The following ADAMTS20 variants were observed in gnomAD, a reference collection of about 807,000 sequenced individuals.
ADAMTS20 encodes the protein ADAM metallopeptidase with thrombospondin type 1 motif 20, also known as A disintegrin and metalloproteinase with thrombospondin motifs 20.
Under a neutral mutation model 260.1 loss-of-function variants are expected in ADAMTS20, and 225 were observed. The ratio of observed to expected loss-of-function variants is 0.87; its 90% CI spans 0.78 to 0.97. ADAMTS20 has a LOEUF of 0.97. Ranked by LOEUF, ADAMTS20 falls within the 50% of genes least tolerant of loss-of-function variation. The pLI is 0.00. For missense variants in ADAMTS20, 2,400 were observed against 2,337.7 expected, an observed-to-expected ratio of 1.03 and a Z score of -0.55; for synonymous variants, 802 against 769.5, an observed-to-expected ratio of 1.04 and a Z score of -0.70.
chr12:43,423,529 A>G, intron 28 of ADAMTS20: 3 of 582,490 alleles, frequency 5.2e-6, no homozygotes, highest in East Asian at 5.6e-5. Flanking sequence ...ATTAGCAGTT[A>G]GGATTCTGCT....
At chr12:43,467,104 T>C (rs1942168693) in intron 8 of ADAMTS20, among the ~76,000 whole-genome samples, 1 of 152,002 alleles carries the variant, frequency 6.6e-6, no homozygotes, top group Admixed American at 6.6e-5. Context: ...TCAACATGGA[T>C]ATCCCATGTT....
chr12:43,433,899 T>C, intron 19 of ADAMTS20: 1 of 370,586 alleles, frequency 2.7e-6, no homozygotes, highest in South Asian at 2.1e-5. Flanking sequence ...GTTCATTAAT[T>C]CCGTGGAAAG....
intron 3 of ADAMTS20, among the ~76,000 whole-genome samples, chr12:43,529,939 G>A (rs2137500077): frequency 6.6e-6 from 1 of 152,168 alleles, no homozygotes; most frequent in Non-Finnish European, 1.5e-5. Flanking sequence ...GTATTTGTTA[G>A]CTAATTTTTA....
At chr12:43,357,352 A>C (rs2137179072) in intron 37 of ADAMTS20, among the ~76,000 whole-genome samples, 1 of 152,248 alleles carries the variant, frequency 6.6e-6, no homozygotes, top group African/African-American at 2.4e-5. Context: ...ACAATATCTC[A>C]ATGGCTTAAG....
intron 15 of ADAMTS20, among the ~76,000 whole-genome samples, chr12:43,446,159 TGTAAC>T (rs1282744450): frequency 6.6e-6 from 1 of 152,092 alleles, no homozygotes; most frequent in Non-Finnish European, 1.5e-5. Context: ...TAATAAGAAA[TGTAAC>T]AGATAGGTCA....
At chr12:43,510,041 T>C (rs531587215) in intron 3 of ADAMTS20, among the ~76,000 whole-genome samples, 47 of 152,214 alleles carry the variant, frequency 3.1e-4, no homozygotes, top group African/African-American at 1.1e-3. Flanking sequence ...ATTAAGACAA[T>C]AATCCTCAAT....
At chr12:43,371,673 C>G (rs1017667734) in intron 36 of ADAMTS20, among the ~76,000 whole-genome samples, 4 of 152,170 alleles carry the variant, frequency 2.6e-5, no homozygotes, top group Non-Finnish European at 5.9e-5. Flanking sequence ...GTGCGAAGGC[C>G]TTAAGATGGG....
chr12:43,433,739 C>T, intron 19 of ADAMTS20: 1 of 397,130 alleles, frequency 2.5e-6, no homozygotes, highest in Non-Finnish European at 4.9e-6. Flanking sequence ...CACACACACA[C>T]ACAAACCAAA....
intron 28 of ADAMTS20, among the ~76,000 whole-genome samples, chr12:43,403,930 C>G (rs1341503108): frequency 6.6e-6 from 1 of 152,044 alleles, no homozygotes; most frequent in African/African-American, 2.4e-5. Context: ...ATCATTTCCT[C>G]CCACCCCAAC....
chr12:43,446,966 C>T (rs1403260637), intron 14 of ADAMTS20, among the ~76,000 whole-genome samples: 1 of 151,896 alleles, frequency 6.6e-6, no homozygotes, highest in Non-Finnish European at 1.5e-5. Context: ...CTGGACAGAC[C>T]AATAATGAGC....
chr12:43,464,442 T>C, intron 10 of ADAMTS20, 149 bp downstream of exon 10: 1 of 1,005,446 alleles, frequency 9.9e-7, no homozygotes, highest in Non-Finnish European at 1.4e-6. Flanking sequence ...AAGTTTTAAT[T>C]TTCCTTTTCT....
At chr12:43,399,294 TAAA>T (rs1940763709) in intron 28 of ADAMTS20, 61 bp from the exon 29 acceptor site, 3 of 1,287,100 alleles carry the variant, frequency 2.3e-6, no homozygotes, top group African/African-American at 1.5e-5. Context: ...AAGCTTATCT[TAAA>T]GAAGTACAAA....
rs748562594 is a variant in ADAMTS20 at position 43,428,755 on chromosome 12, G to A, written c.3534C>T (p.Ser1178=). 1.2e-6 allele frequency: 2 copies of A among 1,610,566 alleles called. No individual in the cohort carries two copies. The highest frequency in any genetic ancestry group is 1.7e-6 in the Non-Finnish European group (2 of 1,177,740). ...CTATTCTATCAAGAGCATCACGACA[G>A]CTTACATAGCGGGCTTGAGTACCTC... is the stretch of plus-strand genomic sequence containing the variant. The part of the protein sequence containing the change: ...CGRGTQARYV[S]CRDALDRIAD... The change falls in exon 25 of 39, where the codon AGC becomes AGT. Residue 1178 remains serine, a synonymous_variant. Coordinates refer to ENST00000389420, the MANE Select transcript of ADAMTS20 (RefSeq NM_025003.5).
intron 37 of ADAMTS20, among the ~76,000 whole-genome samples, chr12:43,361,570 G>A (rs1939868643): frequency 3.3e-5 from 5 of 152,236 alleles, no homozygotes; most frequent in Non-Finnish European, 1.5e-5. Context: ...ATCTTGGACA[G>A]ACTGTTAACA....
intron 29 of ADAMTS20, among the ~76,000 whole-genome samples, chr12:43,395,440 T>C (rs1326210035): frequency 6.6e-6 from 1 of 152,158 alleles, no homozygotes; most frequent in Non-Finnish European, 1.5e-5. Flanking sequence ...AAATACAAAA[T>C]ATCTTAAACA....
chr12:43,357,697 A>G (rs919825518), intron 37 of ADAMTS20, among the ~76,000 whole-genome samples: 1 of 152,232 alleles, frequency 6.6e-6, no homozygotes, highest in African/African-American at 2.4e-5. Context: ...TATGAAATTT[A>G]GAATATGAAC....
At chr12:43,550,761 T>C (rs1452439039) in intron 2 of ADAMTS20, 148 bp downstream of exon 2, 2 of 1,209,982 alleles carry the variant, frequency 1.7e-6, no homozygotes, top group African/African-American at 3.1e-5. Flanking sequence ...TCCGAAGGAG[T>C]TGCCTCTGGC....
At chr12:43,454,084 TG>T in intron 11 of ADAMTS20, 32 bp from the exon 12 acceptor site, 1 of 1,602,374 alleles carries the variant, frequency 6.2e-7, no homozygotes, top group Non-Finnish European at 8.5e-7. Context: ...AAAGAAATGA[TG>T]TGTGTCTCTA....
intron 37 of ADAMTS20, among the ~76,000 whole-genome samples, chr12:43,368,194 A>G (rs549776177): frequency 9.9e-5 from 15 of 152,232 alleles, no homozygotes; most frequent in Middle Eastern, 3.4e-3. Context: ...GTAATGTTCC[A>G]GTGTCAAATA....
Sources: allele counts gnomAD v4.1 joint callset (sites outside exome capture counted in the v4.1 genomes callset), GRCh38; gene constraint gnomAD v4.1.1; transcripts MANE v1.5; gene names NCBI Gene and HGNC (gene_info 2026-07-23, HGNC 2026-07-21).